TSSK2: variants seen among roughly 807,000 people sequenced by gnomAD.
The protein encoded by TSSK2 is testis-specific serine/threonine-protein kinase 2.
In TSSK2, 5 loss-of-function variants were observed where a neutral mutation model predicts 14.2. That is an observed-to-expected ratio of 0.35 (90% CI 0.18 to 0.74). TSSK2 has a LOEUF of 0.74. Among genes scored for constraint, TSSK2 ranks in the 30% least tolerant of loss-of-function variants. TSSK2 has a pLI of 0.56. For missense variants in TSSK2, 439 were observed against 491.1 expected, an observed-to-expected ratio of 0.89 and a Z score of 1.00; for synonymous variants, 209 against 201.9, an observed-to-expected ratio of 1.04 and a Z score of -0.30.
In TSSK2 at chr22:19,131,989, A is replaced by G. The variant is rs56279111; in HGVS notation, c.590A>G (p.Tyr197Cys). The G allele has an allele frequency of 6.7e-4, 1,085 of 1,614,192 alleles. 17 individuals carry two copies. In the East Asian group the frequency reaches 0.022, roughly 32 times the overall value. ...AGCATCCCCTACCAGCCCAAGGTGT[A>G]TGACATCTGGAGCCTGGGCGTGATC... The part of the protein sequence containing the change: ...LQSIPYQPKV[Y>C]DIWSLGVILY... Residue 197 changes from tyrosine to cysteine, a missense_variant, in exon 1 of 1, where the codon TAT becomes TGT. Physicochemically the swap from Tyr to Cys is radical, Grantham distance 194 (BLOSUM62 -2). Transcript: ENST00000399635. The surrounding 1 kb of genome is among the most constrained non-coding windows in gnomAD (Gnocchi z 5.7).
chr22:19,132,101 C>T lies in TSSK2; in HGVS notation c.702C>T (p.Asp234=). Residue 234 remains aspartate (D), a synonymous_variant, in exon 1 of 1, where the codon GAC becomes GAT. Transcript: ENST00000399635. This position sits in a 1 kb window ranked among gnomAD's most constrained non-coding sequence, Gnocchi z 4.2. The part of the protein sequence containing the change: ...MLRIQKEHRV[D]FPRSKNLTCE... ...GTATCCAGAAGGAGCACCGTGTGGA[C>T]TTCCCGCGCTCCAAGAACCTGACCT... 6.2e-7 allele frequency: 1 copy of T among 1,613,080 alleles called. No individual in the cohort carries two copies. The highest frequency in any genetic ancestry group is 2.2e-5 in the East Asian group (1 of 44,844).
rs750597539 is a variant in TSSK2, at chr22:19,131,436, A to G, written c.37A>G (p.Ile13Val). ...DATVLRKKGY[I>V]VGINLGKGSY... ...CACAGTCCTAAGGAAGAAGGGTTAC[A>G]TCGTAGGCATCAATCTTGGCAAGGG... The change falls in exon 1 of 1, where the codon ATC becomes GTC. Residue 13 changes from isoleucine (I) to valine (V), a missense_variant. By Grantham distance (29) the Ile-to-Val change is conservative. Transcript: ENST00000399635. This position sits in a 1 kb window ranked among gnomAD's most constrained non-coding sequence, Gnocchi z 5.7. The G allele has an allele frequency of 9.9e-6, 16 of 1,613,466 alleles. No individual in the cohort carries two copies. Among genetic ancestry groups the G allele is most frequent in the Admixed American group, 3.3e-5 (2 of 59,996 alleles).
rs767408054 is a variant in TSSK2, at chr22:19,131,646, G to A, written c.247G>A (p.Asp83Asn). The change falls in exon 1 of 1, where the codon GAC becomes AAC. Residue 83 changes from aspartate to asparagine, a missense_variant. Asp to Asn is a conservative substitution (Grantham distance 23). Transcript: ENST00000399635. This position sits in a 1 kb window ranked among gnomAD's most constrained non-coding sequence, Gnocchi z 5.7. ...IKTYEIFETS[D>N]GRIYIIMELG... ...GACTTACGAGATCTTTGAGACCTCT[G>A]ACGGACGGATCTACATCATCATGGA... 8.7e-6 allele frequency: 14 copies of A among 1,614,068 alleles called. No homozygotes were observed. The highest frequency in any genetic ancestry group is 1.2e-5 in the Non-Finnish European group (14 of 1,180,026).
Position 19,132,059 on chromosome 22 carries a change from C to A in TSSK2, c.660C>A (p.Asp220Glu). The A allele has an allele frequency of 1.2e-6, 2 of 1,614,058 alleles. No individual in the cohort carries two copies. The highest frequency in any genetic ancestry group is 1.7e-6 in the Non-Finnish European group (2 of 1,179,956). ...VCGSMPYDDSDIRKMLRIQKE... is the reference protein window; with the variant it reads ...VCGSMPYDDSEIRKMLRIQKE... The stretch of plus-strand genomic sequence containing the variant: ...GCTCCATGCCCTATGACGACTCCGA[C>A]ATCAGGAAGATGCTGCGTATCCAGA... Residue 220 changes from aspartate (D) to glutamate (E), a missense_variant, in exon 1 of 1, where the codon GAC (aspartate) becomes GAA (glutamate). By Grantham distance (45) the Asp-to-Glu change is conservative (BLOSUM62 2). Transcript: ENST00000399635. The surrounding 1 kb of genome is among the most constrained non-coding windows in gnomAD (Gnocchi z 4.2).
In TSSK2 at chr22:19,132,284, T is replaced by C; in HGVS notation, c.885T>C (p.Ala295=). 6.2e-7 allele frequency: 1 copy of C among 1,613,422 alleles called. No homozygotes were observed. Among genetic ancestry groups the C allele is most frequent in the Non-Finnish European group, 8.5e-7 (1 of 1,179,932 alleles). The change falls in exon 1 of 1, where the codon GCT becomes GCC. Residue 295 remains alanine (A), a synonymous_variant. Transcript: ENST00000399635. This position sits in a 1 kb window ranked among gnomAD's most constrained non-coding sequence, Gnocchi z 4.2. ...FKREGEGKYR[A]ECKLDTKTGL... ...GGGAGGGGGAGGGCAAGTACCGCGC[T>C]GAGTGCAAACTGGACACCAAGACAG...
In TSSK2 at chr22:19,131,553, T is replaced by A; in HGVS notation, c.154T>A (p.Phe52Ile). The A allele has an allele frequency of 6.2e-7, 1 of 1,614,094 alleles. No individual in the cohort carries two copies. Among genetic ancestry groups the A allele is most frequent in the Non-Finnish European group, 8.5e-7 (1 of 1,180,026 alleles). Reference sequence around the variant, plus strand: ...CGACCGCAAGAAAACACCTACTGACTTTGTGGAGAGATTCCTTCCTCGGGA... The same window carrying A: ...CGACCGCAAGAAAACACCTACTGACATTGTGGAGAGATTCCTTCCTCGGGA... ...IIDRKKTPTD[F>I]VERFLPREMD... The change falls in exon 1 of 1, where the codon TTT becomes ATT. Residue 52 changes from phenylalanine to isoleucine, a missense_variant. By Grantham distance (21) the Phe-to-Ile change is conservative. Coordinates refer to ENST00000399635, the MANE Select transcript of TSSK2 (RefSeq NM_053006.5). This position sits in a 1 kb window ranked among gnomAD's most constrained non-coding sequence, Gnocchi z 5.7.
Position 19,131,349 on chromosome 22 carries a change from C to T in TSSK2, c.-51C>T. ...GTAAATGAGGACAATGCCTGCTGGC[C>T]CACATGACGGGGGGATGTAGACGGC... On this transcript the variant is annotated 5_prime_UTR_variant, in exon 1 of 1. Coordinates refer to ENST00000399635, the MANE Select transcript of TSSK2 (RefSeq NM_053006.5). The surrounding 1 kb of genome is among the most constrained non-coding windows in gnomAD (Gnocchi z 5.7). 2.0e-6 allele frequency: 3 copies of T among 1,494,288 alleles called. No individual in the cohort carries two copies. The highest frequency in any genetic ancestry group is 2.7e-6 in the Non-Finnish European group (3 of 1,099,944). The allele number at this position is 1,494,288 out of a possible 1,614,324, so 92.6% of individuals were successfully genotyped here.
chr22:19,132,016 T>C lies in TSSK2; in HGVS notation c.617T>C (p.Leu206Pro), dbSNP rs775602028. The change falls in exon 1 of 1, where the codon CTG becomes CCG. Residue 206 changes from leucine to proline, a missense_variant. By Grantham distance (98) the Leu-to-Pro change is moderately conservative. Transcript: ENST00000399635. The surrounding 1 kb of genome is among the most constrained non-coding windows in gnomAD (Gnocchi z 4.2). ...GACATCTGGAGCCTGGGCGTGATCC[T>C]GTACATCATGGTCTGCGGCTCCATG... Reference protein sequence around the residue: ...VYDIWSLGVILYIMVCGSMPY... With the variant: ...VYDIWSLGVIPYIMVCGSMPY... The C allele has an allele frequency of 1.9e-5, 31 of 1,613,958 alleles. No homozygotes were observed. The highest frequency in any genetic ancestry group is 2.6e-5 in the Non-Finnish European group (31 of 1,179,970).
In TSSK2 at chr22:19,131,683, A is replaced by G; in HGVS notation, c.284A>G (p.Gln95Arg). Residue 95 changes from glutamine to arginine, a missense_variant, in exon 1 of 1, where the codon CAG becomes CGG. By Grantham distance (43) the Gln-to-Arg change is conservative. Coordinates refer to ENST00000399635, the MANE Select transcript of TSSK2 (RefSeq NM_053006.5). The surrounding 1 kb of genome is among the most constrained non-coding windows in gnomAD (Gnocchi z 5.7). ...TACATCATCATGGAGCTTGGCGTCCAGGGCGACCTCCTCGAGTTCATCAAG... is the reference window on the plus strand; with the variant it reads ...TACATCATCATGGAGCTTGGCGTCCGGGGCGACCTCCTCGAGTTCATCAAG... Reference protein sequence around the residue: ...RIYIIMELGVQGDLLEFIKCQ... With the variant: ...RIYIIMELGVRGDLLEFIKCQ... 1 of 1,614,054 alleles carries G rather than the reference A, an allele frequency of 6.2e-7. No individual in the cohort carries two copies. The highest frequency in any genetic ancestry group is 1.3e-5 in the African/African-American group (1 of 75,006).
At position 19,132,119 on chromosome 22, in the gene TSSK2, C is replaced by T. The variant is rs750063286; in HGVS notation, c.720C>T (p.Asn240=). 1 of 1,612,852 alleles carries T rather than the reference C, an allele frequency of 6.2e-7. No individual in the cohort carries two copies. The highest frequency in any genetic ancestry group is 8.5e-7 in the Non-Finnish European group (1 of 1,178,942). The change falls in exon 1 of 1, where the codon AAC becomes AAT. Residue 240 remains asparagine (N), a synonymous_variant. Coordinates refer to ENST00000399635, the MANE Select transcript of TSSK2 (RefSeq NM_053006.5). This position sits in a 1 kb window ranked among gnomAD's most constrained non-coding sequence, Gnocchi z 4.2. ...GTGTGGACTTCCCGCGCTCCAAGAA[C>T]CTGACCTGCGAGTGCAAGGACCTCA... The part of the protein sequence containing the change: ...EHRVDFPRSK[N]LTCECKDLIY...
rs1467205857 is a variant in TSSK2, at chr22:19,132,483, A to G, written c.*7A>G. The G allele has an allele frequency of 6.2e-7, 1 of 1,601,544 alleles. No individual in the cohort carries two copies. The highest frequency in any genetic ancestry group is 2.2e-5 in the East Asian group (1 of 44,716). On this transcript the variant is annotated 3_prime_UTR_variant, in exon 1 of 1. Coordinates refer to ENST00000399635, the MANE Select transcript of TSSK2 (RefSeq NM_053006.5). This position sits in a 1 kb window ranked among gnomAD's most constrained non-coding sequence, Gnocchi z 4.2. ...GGGGAAAGCAAGCACCTAGCATGAC[A>G]ATGGCCCCGTTGTGTGTGGTGGGGG...
In TSSK2 at chr22:19,131,631, A is replaced by G. The variant is rs1266897764; in HGVS notation, c.232A>G (p.Ile78Val). The G allele has an allele frequency of 6.2e-7, 1 of 1,613,916 alleles. No homozygotes were observed. Residue 78 changes from isoleucine (I) to valine (V), a missense_variant, in exon 1 of 1, where the codon ATC (isoleucine) becomes GTC (valine). Transcript: ENST00000399635. This position sits in a 1 kb window ranked among gnomAD's most constrained non-coding sequence, Gnocchi z 5.7. ...NHGSIIKTYE[I>V]FETSDGRIYI... ...CGGCTCCATCATCAAGACTTACGAG[A>G]TCTTTGAGACCTCTGACGGACGGAT...
Position 19,132,298 on chromosome 22 carries a change from A to G in TSSK2, c.899A>G (p.Asp300Gly), listed in dbSNP as rs2083517424. 6.2e-7 allele frequency: 1 copy of G among 1,613,386 alleles called. No individual in the cohort carries two copies. Among genetic ancestry groups the G allele is most frequent in the Admixed American group, 1.7e-5 (1 of 59,990 alleles). Residue 300 changes from aspartate to glycine, a missense_variant, in exon 1 of 1, where the codon GAC becomes GGC. By Grantham distance (94) the Asp-to-Gly change is moderately conservative. Coordinates refer to ENST00000399635, the MANE Select transcript of TSSK2 (RefSeq NM_053006.5). The surrounding 1 kb of genome is among the most constrained non-coding windows in gnomAD (Gnocchi z 4.2). ...AAGTACCGCGCTGAGTGCAAACTGG[A>G]CACCAAGACAGGCTTGAGGCCCGAC... ...EGKYRAECKL[D>G]TKTGLRPDHR...
In TSSK2 at chr22:19,132,576, G is replaced by A; in HGVS notation, c.*100G>A. On this transcript the variant is annotated 3_prime_UTR_variant, in exon 1 of 1. Transcript: ENST00000399635. The surrounding 1 kb of genome is among the most constrained non-coding windows in gnomAD (Gnocchi z 4.2). Reference sequence around the variant, plus strand: ...AAGTAGGCAGGTAGGATCTGAAGAAGGCACAGGTGCAAGTAAAATTCGTCA... The same window carrying A: ...AAGTAGGCAGGTAGGATCTGAAGAAAGCACAGGTGCAAGTAAAATTCGTCA... The A allele has an allele frequency of 8.2e-7, 1 of 1,216,164 alleles. No individual in the cohort carries two copies. Among genetic ancestry groups the A allele is most frequent in the Non-Finnish European group, 1.2e-6 (1 of 861,442 alleles). The allele number at this position is 1,216,164 out of a possible 1,614,324, so 75.3% of individuals were successfully genotyped here.
rs752982713 is a variant in TSSK2 at position 19,131,714 on chromosome 22, G to C, written c.315G>C (p.Gln105His). ...QGDLLEFIKC[Q>H]GALHEDVARK... ...ACCTCCTCGAGTTCATCAAGTGCCA[G>C]GGAGCCCTGCATGAGGACGTGGCAC... Residue 105 changes from glutamine to histidine, a missense_variant, in exon 1 of 1, where the codon CAG becomes CAC. By Grantham distance (24) the Gln-to-His change is conservative (BLOSUM62 0). Coordinates refer to ENST00000399635, the MANE Select transcript of TSSK2 (RefSeq NM_053006.5). This position sits in a 1 kb window ranked among gnomAD's most constrained non-coding sequence, Gnocchi z 5.7. 1.2e-6 allele frequency: 2 copies of C among 1,614,080 alleles called. No homozygotes were observed. Among genetic ancestry groups the C allele is most frequent in the Non-Finnish European group, 1.7e-6 (2 of 1,179,984 alleles).
chr22:19,131,341 C>T lies in TSSK2; in HGVS notation c.-59C>T. 1 of 1,470,306 alleles carries T rather than the reference C, an allele frequency of 6.8e-7. No individual in the cohort carries two copies. Among genetic ancestry groups the T allele is most frequent in the Non-Finnish European group, 9.3e-7 (1 of 1,079,376 alleles). The allele number at this position is 1,470,306 out of a possible 1,614,324, so 91.1% of individuals were successfully genotyped here. On this transcript the variant is annotated 5_prime_UTR_variant, in exon 1 of 1. Transcript: ENST00000399635. The surrounding 1 kb of genome is among the most constrained non-coding windows in gnomAD (Gnocchi z 5.7). Reference sequence around the variant, plus strand: ...CCGGTAGTGTAAATGAGGACAATGCCTGCTGGCCCACATGACGGGGGGATG... The same window carrying T: ...CCGGTAGTGTAAATGAGGACAATGCTTGCTGGCCCACATGACGGGGGGATG...
At position 19,131,496 on chromosome 22, in the gene TSSK2, C is replaced by A; in HGVS notation, c.97C>A (p.Arg33Ser). 2 of 1,614,150 alleles carry A rather than the reference C, an allele frequency of 1.2e-6. No homozygotes were observed. Among genetic ancestry groups the A allele is most frequent in the Non-Finnish European group, 1.7e-6 (2 of 1,180,022 alleles). The part of the protein sequence containing the change: ...YAKVKSAYSE[R>S]LKFNVAVKII... ...AAAAGTCAAATCTGCCTACTCTGAG[C>A]GCCTCAAGTTCAATGTGGCTGTCAA... The change falls in exon 1 of 1, where the codon CGC (arginine) becomes AGC (serine). Residue 33 changes from arginine (R) to serine (S), a missense_variant. Transcript: ENST00000399635. The surrounding 1 kb of genome is among the most constrained non-coding windows in gnomAD (Gnocchi z 5.7).
rs761090528 is a variant in TSSK2, at chr22:19,131,687, C to T, written c.288C>T (p.Gly96=). 6 of 1,613,936 alleles carry T rather than the reference C, an allele frequency of 3.7e-6. No homozygotes were observed. The highest frequency in any genetic ancestry group is 2.2e-5 in the South Asian group (2 of 91,072). ...IYIIMELGVQ[G]DLLEFIKCQG... is the part of the protein sequence containing the mutation. ...TCATCATGGAGCTTGGCGTCCAGGG[C>T]GACCTCCTCGAGTTCATCAAGTGCC... The change falls in exon 1 of 1, where the codon GGC becomes GGT. Residue 96 remains glycine, a synonymous_variant. Transcript: ENST00000399635. The surrounding 1 kb of genome is among the most constrained non-coding windows in gnomAD (Gnocchi z 5.7).
Position 19,132,033 on chromosome 22 carries a change from G to T in TSSK2, c.634G>T (p.Gly212Cys), listed in dbSNP as rs1252180629. 2 of 1,614,058 alleles carry T rather than the reference G, an allele frequency of 1.2e-6. No individual in the cohort carries two copies. Among genetic ancestry groups the T allele is most frequent in the East Asian group, 2.2e-5 (1 of 44,880 alleles). Residue 212 changes from glycine to cysteine, a missense_variant, in exon 1 of 1, where the codon GGC becomes TGC. By Grantham distance (159) the Gly-to-Cys change is radical. Transcript: ENST00000399635. This position sits in a 1 kb window ranked among gnomAD's most constrained non-coding sequence, Gnocchi z 4.2. ...LGVILYIMVC[G>C]SMPYDDSDIR... ...CGTGATCCTGTACATCATGGTCTGCGGCTCCATGCCCTATGACGACTCCGA... is the reference window on the plus strand; with the variant it reads ...CGTGATCCTGTACATCATGGTCTGCTGCTCCATGCCCTATGACGACTCCGA...
Sources: gnomAD v4.1 joint callset for allele counts on GRCh38, gnomAD v4.1.1 for gene constraint, Gnocchi (gnomAD v3.1) non-coding constraint, MANE v1.5 for transcripts, NCBI Gene and HGNC (gene_info 2026-07-23, HGNC 2026-07-21) for gene names.